Variants in SLC26A7 observed in about 807,000 individuals in gnomAD.
SLC26A7 encodes the protein solute carrier family 26 member 7, also known as anion exchange transporter.
A neutral mutation model predicts 82.5 loss-of-function variants in SLC26A7; 59 were observed. That is an observed-to-expected ratio of 0.72 (90% CI 0.58 to 0.89). The LOEUF is 0.89. Among genes scored for constraint, SLC26A7 ranks in the 40% least tolerant of loss-of-function variants. SLC26A7 has a pLI of 0.00. For missense variants in SLC26A7, 820 were observed against 793.0 expected (o/e 1.03, Z -0.41); for synonymous variants, 271 against 274.3 (o/e 0.99, Z 0.12).
At position 91,389,341 on chromosome 8, in the gene SLC26A7, A is replaced by C. The variant is rs777066552; in HGVS notation, c.1679A>C (p.Glu560Ala). Residue 560 changes from glutamate to alanine, a missense_variant, in exon 16 of 19, where the codon GAA (glutamate) becomes GCA (alanine). Coordinates refer to ENST00000276609, the MANE Select transcript of SLC26A7 (RefSeq NM_052832.4). The part of the protein sequence containing the change: ...NSLSNGNCNE[E>A]ASQSCPNEKC... ...CAAGTCTCTGTTTCTCCTACAGAAG[A>C]AGCTTCACAGTCCTGCCCTAATGAG... 1.9e-6 allele frequency: 3 copies of C among 1,612,766 alleles called. No homozygotes were observed. The highest frequency in any genetic ancestry group is 1.7e-6 in the Non-Finnish European group (2 of 1,178,880).
chr8:91,241,237 G>A (rs1810469827), intron 2 of SLC26A7, among the ~76,000 whole-genome samples: 1 of 152,076 alleles, frequency 6.6e-6, no homozygotes, highest in African/African-American at 2.4e-5. Flanking sequence ...TTGATGATAT[G>A]ACAAAGGCTT....
At chr8:91,238,529 T>A (rs1810422802) in intron 2 of SLC26A7, among the ~76,000 whole-genome samples, 1 of 149,556 alleles carries the variant, frequency 6.7e-6, no homozygotes, top group Non-Finnish European at 1.5e-5. Context: ...ATGAGAAAGG[T>A]TTTATATATA....
chr8:91,349,492 A>G (rs1813656451), intron 9 of SLC26A7, among the ~76,000 whole-genome samples: 1 of 152,208 alleles, frequency 6.6e-6, no homozygotes, highest in Non-Finnish European at 1.5e-5. Flanking sequence ...TTTAAATAGA[A>G]TTATTTAGTT....
intron 14 of SLC26A7, among the ~76,000 whole-genome samples, chr8:91,368,600 T>G (rs904981389): frequency 1.3e-5 from 2 of 150,534 alleles, no homozygotes; most frequent in Non-Finnish European, 3.0e-5. Flanking sequence ...TTTTTTTGTA[T>G]TTTTAGTAGA....
intron 2 of SLC26A7, among the ~76,000 whole-genome samples, chr8:91,221,565 G>A (rs1037350609): frequency 1.3e-5 from 2 of 152,116 alleles, no homozygotes; most frequent in Non-Finnish European, 2.9e-5. Context: ...GTAAGGAAGG[G>A]GTCCAGTTTC....
At chr8:91,316,027 T>C (rs1812620302) in intron 4 of SLC26A7, among the ~76,000 whole-genome samples, 1 of 152,178 alleles carries the variant, frequency 6.6e-6, no homozygotes, top group Non-Finnish European at 1.5e-5. Context: ...AGAATATAGG[T>C]TCAAATTTTC....
chr8:91,338,390 A>G (rs1223162753), intron 7 of SLC26A7, among the ~76,000 whole-genome samples, 158 bp downstream of exon 7: 2 of 152,198 alleles, frequency 1.3e-5, no homozygotes, highest in East Asian at 3.8e-4. Context: ...GTAGAGAAAG[A>G]GTAACTTCCT....
chr8:91,210,215 C>T (rs932866018), intron 1 of SLC26A7, among the ~76,000 whole-genome samples: 6 of 152,064 alleles, frequency 3.9e-5, no homozygotes, highest in Non-Finnish European at 7.4e-5. Context: ...TAAGACTAAG[C>T]AAAGTTAAGT....
At chr8:91,244,109 A>C (rs1333463378) in intron 2 of SLC26A7, among the ~76,000 whole-genome samples, 2 of 152,212 alleles carry the variant, frequency 1.3e-5, no homozygotes, top group Non-Finnish European at 2.9e-5. Context: ...ACAATTATGT[A>C]GTCCTTAGGG....
chr8:91,331,283 G>A (rs1018667739), intron 5 of SLC26A7, among the ~76,000 whole-genome samples: 7 of 151,992 alleles, frequency 4.6e-5, no homozygotes, highest in African/African-American at 1.2e-4. Context: ...TTTCTTTTCC[G>A]ACTTAGCATT....
intron 15 of SLC26A7, among the ~76,000 whole-genome samples, chr8:91,380,531 G>A (rs1814640889): frequency 6.6e-6 from 1 of 152,112 alleles, no homozygotes; most frequent in South Asian, 2.1e-4. Flanking sequence ...CTACTAATAA[G>A]CTATCATTTT....
At position 91,397,254 on chromosome 8, in the gene SLC26A7, C is replaced by T. The variant is rs1808596526; in HGVS notation, c.*2157C>T. The T allele has an allele frequency of 6.6e-6, 1 of 151,982 alleles. No individual in the cohort carries two copies. The highest frequency in any genetic ancestry group is 2.1e-4 in the South Asian group (1 of 4,828). 9.4% of individuals were successfully genotyped at this position (151,982 alleles called of 1,614,324 possible). On this transcript the variant is annotated 3_prime_UTR_variant, in exon 19 of 19. Coordinates refer to ENST00000276609, the MANE Select transcript of SLC26A7 (RefSeq NM_052832.4). ...ACACCAAGGCTACAATGACTGTTAA[C>T]CTGGAGGAAGTCTCTGGTATGGAGT... is the stretch of plus-strand genomic sequence containing the variant.
intron 9 of SLC26A7, among the ~76,000 whole-genome samples, chr8:91,345,208 C>T (rs1813529363): frequency 6.6e-6 from 1 of 152,036 alleles, no homozygotes; most frequent in East Asian, 1.9e-4. Flanking sequence ...CTCTGACTCC[C>T]AGTGTTGGGA....
rs1808593421 is a variant in SLC26A7 at position 91,397,207 on chromosome 8, A to G, written c.*2110A>G. On this transcript the variant is annotated 3_prime_UTR_variant, in exon 19 of 19. Coordinates refer to ENST00000276609, the MANE Select transcript of SLC26A7 (RefSeq NM_052832.4). ...AGACCAAACCATGTACCTTATGAAG[A>G]CCTTTGTTTTAAGACTTCCACACAC... 6.6e-6 allele frequency: 1 copy of G among 152,062 alleles called. No individual in the cohort carries two copies. Among genetic ancestry groups the G allele is most frequent in the Non-Finnish European group, 1.5e-5 (1 of 67,958 alleles). The allele number at this position is 152,062 out of a possible 1,614,324, so 9.4% of individuals were successfully genotyped here.
At chr8:91,371,751 G>A (rs1814368973) in intron 15 of SLC26A7, among the ~76,000 whole-genome samples, 1 of 151,960 alleles carries the variant, frequency 6.6e-6, no homozygotes, top group South Asian at 2.1e-4. Flanking sequence ...ACCCAGTAGT[G>A]GGATTGCTAG....
intron 2 of SLC26A7, among the ~76,000 whole-genome samples, chr8:91,255,282 A>G (rs1237897807): frequency 6.6e-6 from 1 of 152,036 alleles, no homozygotes; most frequent in African/African-American, 2.4e-5. Flanking sequence ...TGTTCCTTAT[A>G]ATTATGCAGA....
chr8:91,273,619 G>A (rs956358812), intron 2 of SLC26A7, among the ~76,000 whole-genome samples: 3 of 152,124 alleles, frequency 2.0e-5, no homozygotes, highest in African/African-American at 7.2e-5. Context: ...AATTCAATAA[G>A]AATATAACAC....
chr8:91,278,794 A>G (rs4629825), intron 2 of SLC26A7, among the ~76,000 whole-genome samples: 29,851 of 151,966 alleles, frequency 0.2, 3,723 homozygotes, highest in African/African-American at 0.34. Flanking sequence ...TTTCAAGTAT[A>G]CAATATATTG....
intron 2 of SLC26A7, among the ~76,000 whole-genome samples, chr8:91,256,013 A>G (rs1810791813): frequency 6.6e-6 from 1 of 152,100 alleles, no homozygotes; most frequent in Non-Finnish European, 1.5e-5. Context: ...TGTTCCATAT[A>G]TAGTACAAAT....
Sources: gnomAD v4.1 joint callset for allele counts (sites outside exome capture counted in the v4.1 genomes callset) on GRCh38, gnomAD v4.1.1 for gene constraint, MANE v1.5 for transcripts, NCBI Gene and HGNC (gene_info 2026-07-23, HGNC 2026-07-21) for gene names.